Variants in PPFIBP2 observed in about 807,000 individuals in gnomAD.
PPFIBP2 encodes the protein PPFIB scaffold protein 2.
PPFIBP2 carries 118 observed loss-of-function variants against 118.3 expected under a neutral mutation model. The ratio of observed to expected loss-of-function variants is 1.00; its 90% CI spans 0.86 to 1.16. The LOEUF is 1.16. PPFIBP2 is among the 50% of genes most tolerant of loss of function. The pLI is 0.00. For missense variants in PPFIBP2, 1,195 were observed against 1,073.1 expected, an observed-to-expected ratio of 1.11 and a Z score of -1.59; for synonymous variants, 414 against 397.4, an observed-to-expected ratio of 1.04 and a Z score of -0.50.
At chr11:7,625,689 C>G (rs371227493) in intron 7 of PPFIBP2, 88 bp from the exon 8 acceptor site, 4 of 1,021,832 alleles carry the variant, frequency 3.9e-6, no homozygotes, top group Non-Finnish European at 6.1e-6. Flanking sequence ...ACCCTGGTGC[C>G]TGATGGGGTC....
chr11:7,656,403 G>A (rs2136077105), downstream of PPFIBP2, among the ~76,000 whole-genome samples: 1 of 152,304 alleles, frequency 6.6e-6, no homozygotes, highest in East Asian at 1.9e-4. Context: ...AAGTCTCCCT[G>A]ACTCCAAACA....
intron 2 of PPFIBP2, among the ~76,000 whole-genome samples, chr11:7,560,403 C>T (rs1590240200): frequency 2.6e-5 from 4 of 152,166 alleles, no homozygotes; most frequent in Admixed American, 2.6e-4. Context: ...GGGTATTTCT[C>T]TGTATATATA....
At chr11:7,647,305 C>G (rs1250157493) in intron 17 of PPFIBP2, among the ~76,000 whole-genome samples, 2 of 152,130 alleles carry the variant, frequency 1.3e-5, no homozygotes, top group African/African-American at 4.8e-5. Flanking sequence ...AAAAATGACT[C>G]TATTGGGATT....
At chr11:7,601,562 G>A (rs762860808) in intron 5 of PPFIBP2, among the ~76,000 whole-genome samples, 3 of 152,224 alleles carry the variant, frequency 2.0e-5, no homozygotes, top group Middle Eastern at 3.4e-3. Flanking sequence ...TACATAGACA[G>A]CTACAAGCAT....
intron 3 of PPFIBP2, among the ~76,000 whole-genome samples, chr11:7,591,070 C>T (rs1426156973): frequency 1.3e-5 from 2 of 151,892 alleles, no homozygotes; most frequent in Non-Finnish European, 2.9e-5. Context: ...CTAGGTCATA[C>T]ATTTTATTAA....
At chr11:7,664,143 G>A in the PPFIBP2 span, among the ~76,000 whole-genome samples, 1 of 152,180 alleles carries the variant, frequency 6.6e-6, no homozygotes, top group African/African-American at 2.4e-5. Flanking sequence ...GACCGGAGCT[G>A]TTCCTATTCG....
rs1277263171 is a variant in PPFIBP2 at position 7,651,743 on chromosome 11, A to C, written c.2335A>C (p.Thr779Pro). Residue 779 changes from threonine to proline, a missense_variant, in exon 23 of 24, where the codon ACC (threonine) becomes CCC (proline). Physicochemically the swap from Thr to Pro is conservative, Grantham distance 38. Transcript: ENST00000299492. ...GACGCTCCTCAGGCGCCACCTGACC[A>C]CCAAGTTCAATGCCTTGATTGGTCC... is the stretch of plus-strand genomic sequence containing the variant. ...QKTLLRRHLT[T>P]KFNALIGPEA... 1 of 1,614,118 alleles carries C rather than the reference A, an allele frequency of 6.2e-7. No homozygotes were observed.
chr11:7,578,992 C>T (rs1232884161), intron 3 of PPFIBP2, among the ~76,000 whole-genome samples: 3 of 151,160 alleles, frequency 2.0e-5, no homozygotes, highest in African/African-American at 7.3e-5. Flanking sequence ...TTTTGGGCAA[C>T]CTGGTTTGTG....
the PPFIBP2 span, chr11:7,665,887 G>A: frequency 6.5e-7 from 1 of 1,536,196 alleles, no homozygotes; most frequent in Non-Finnish European, 8.7e-7. Flanking sequence ...CCTGGTGTTA[G>A]TGGAACTGCG....
the PPFIBP2 span, chr11:7,664,967 C>CT: frequency 1.2e-5 from 2 of 160,484 alleles, no homozygotes; most frequent in African/African-American, 4.8e-5. Flanking sequence ...TGTGACCCCA[C>CT]TTGGAGTTTT....
intron 3 of PPFIBP2, among the ~76,000 whole-genome samples, 164 bp downstream of exon 3, chr11:7,565,931 T>A (rs1854919494): frequency 6.6e-6 from 1 of 152,002 alleles, no homozygotes; most frequent in South Asian, 2.1e-4. Context: ...TATCAAGGAG[T>A]ATAGAGCCCA....
intron 3 of PPFIBP2, among the ~76,000 whole-genome samples, chr11:7,585,932 A>G (rs939101352): frequency 6.6e-6 from 1 of 152,270 alleles, no homozygotes; most frequent in Non-Finnish European, 1.5e-5. Flanking sequence ...TGTACTCATT[A>G]TAAACATGTA....
At chr11:7,647,081 C>T (rs1211334691) in intron 17 of PPFIBP2, among the ~76,000 whole-genome samples, 2 of 152,156 alleles carry the variant, frequency 1.3e-5, no homozygotes, top group Non-Finnish European at 2.9e-5. Context: ...TTATCTCTAA[C>T]ATTTGATCTA....
At chr11:7,587,408 C>A (rs184006585) in intron 3 of PPFIBP2, among the ~76,000 whole-genome samples, 3 of 152,352 alleles carry the variant, frequency 2.0e-5, no homozygotes, top group Non-Finnish European at 1.5e-5. Flanking sequence ...AGCAGGAATT[C>A]TTTCCTACAA....
In PPFIBP2 at chr11:7,597,067, C is replaced by T. The variant is rs184698581; in HGVS notation, c.373-493C>T. The T allele has an allele frequency of 9.8e-5, 101 of 1,035,476 alleles. No individual in the cohort carries two copies. In the East Asian group the frequency reaches 2.9e-3, roughly 29 times the overall value. The allele number at this position is 1,035,476 out of a possible 1,614,324, so 64.1% of individuals were successfully genotyped here. ...AGTGCTAATACATGCCCTTTACAGC[C>T]CACATTCCTTAATTGCATCAAAACA... On this transcript the variant is annotated intron_variant, in intron 4 of 23. Coordinates refer to ENST00000299492, the MANE Select transcript of PPFIBP2 (RefSeq NM_003621.5).
intron 6 of PPFIBP2, among the ~76,000 whole-genome samples, chr11:7,615,182 C>G (rs761221535): frequency 2.6e-5 from 4 of 151,882 alleles, no homozygotes; most frequent in Non-Finnish European, 4.4e-5. Flanking sequence ...CTAAAACATA[C>G]AAAAATTAGC....
At chr11:7,604,048 A>AG (rs1847017167) in intron 5 of PPFIBP2, among the ~76,000 whole-genome samples, 1 of 152,176 alleles carries the variant, frequency 6.6e-6, no homozygotes. Context: ...AGCCTTCAGC[A>AG]GGGGGCAAGC....
intron 7 of PPFIBP2, among the ~76,000 whole-genome samples, chr11:7,621,685 C>T (rs776774871): frequency 2.6e-5 from 4 of 152,252 alleles, no homozygotes; most frequent in Admixed American, 1.3e-4. Flanking sequence ...GATTTTAAAA[C>T]GTTAAATTGT....
chr11:7,607,997 T>C (rs1032752156), intron 5 of PPFIBP2, among the ~76,000 whole-genome samples: 3 of 151,634 alleles, frequency 2.0e-5, no homozygotes, highest in Non-Finnish European at 4.4e-5. Context: ...GAAAGAAGGG[T>C]AAGAGAGTAG....
Sources: allele counts gnomAD v4.1 joint callset (sites outside exome capture counted in the v4.1 genomes callset), GRCh38; gene constraint gnomAD v4.1.1; transcripts MANE v1.5; gene names NCBI Gene and HGNC (gene_info 2026-07-23, HGNC 2026-07-21).